The following GSE1 variants were observed in gnomAD, a reference collection of about 807,000 sequenced individuals.
GSE1 encodes genetic suppressor element 1.
In GSE1, 32 loss-of-function variants were observed where a neutral mutation model predicts 112.6. The observed-to-expected ratio is 0.28, with a 90% CI of 0.21 to 0.38. The LOEUF is 0.38. GSE1 is among the 10% of genes least tolerant of loss of function. GSE1 has a pLI of 1.00. For missense variants in GSE1, 2,348 were observed against 1,699.2 expected, an observed-to-expected ratio of 1.38 and a Z score of -6.71; for synonymous variants, 1,115 against 735.6, an observed-to-expected ratio of 1.52 and a Z score of -8.35.
rs1050785736 is a variant in GSE1 at position 85,373,638 on chromosome 16, C to G, written c.2464+15995C>G. ...AGTGTCTGGGAGGGCCACAGGTATGCTGGCCACGGCCTGGAAGAGTCCGCT... is the reference window on the plus strand; with the variant it reads ...AGTGTCTGGGAGGGCCACAGGTATGGTGGCCACGGCCTGGAAGAGTCCGCT... On this transcript the variant is annotated intron_variant, in intron 2 of 2. Coordinates refer to the GSE1 transcript ENST00000637419. The surrounding 1 kb of genome is among the most constrained non-coding windows in gnomAD (Gnocchi z 5.1). Among the ~76,000 whole-genome samples the G allele has an allele frequency of 6.6e-6, 1 of 152,150 alleles. No homozygotes were observed. Among genetic ancestry groups the G allele is most frequent in the Non-Finnish European group, 1.5e-5 (1 of 68,020 alleles).
chr16:85,286,226 T>C (rs1399233421), intron 1 of GSE1, among the ~76,000 whole-genome samples: 1 of 152,246 alleles, frequency 6.6e-6, no homozygotes, highest in African/African-American at 2.4e-5. Context: ...CAGTGGCCAC[T>C]TGATATTTTC....
intron 1 of GSE1, among the ~76,000 whole-genome samples, chr16:85,221,472 C>T (rs180802900): frequency 3.2e-3 from 494 of 152,284 alleles, no homozygotes; most frequent in African/African-American, 0.011. Flanking sequence ...CAGACGCACA[C>T]AGACACACAC....
chr16:85,526,598 T>G (rs998522193), intron 2 of GSE1, among the ~76,000 whole-genome samples: 1 of 151,930 alleles, frequency 6.6e-6, no homozygotes, highest in African/African-American at 2.4e-5. Flanking sequence ...TTACAGGCAG[T>G]GTGGGATGTG....
intron 1 of GSE1, among the ~76,000 whole-genome samples, chr16:85,581,036 C>G (rs946590267): frequency 1.3e-5 from 2 of 152,206 alleles, no homozygotes; most frequent in East Asian, 3.8e-4. Context: ...AGCTCTTGCC[C>G]TGCTGGACAT....
chr16:85,269,441 TGTGTGA>T (rs964419673), intron 1 of GSE1, among the ~76,000 whole-genome samples: 2 of 117,380 alleles, frequency 1.7e-5, no homozygotes, highest in African/African-American at 5.6e-5. Flanking sequence ...AGTGTGTGGG[TGTGTGA>T]GTGTGTGTGT....
intron 2 of GSE1, among the ~76,000 whole-genome samples, chr16:85,366,653 C>T (rs1555570969): frequency 6.6e-6 from 1 of 152,218 alleles, no homozygotes; most frequent in Non-Finnish European, 1.5e-5. Context: ...CCTACTTAGA[C>T]TGGGATCTGG....
intron 2 of GSE1, among the ~76,000 whole-genome samples, chr16:85,541,243 G>A (rs531787029): frequency 3.3e-5 from 5 of 152,350 alleles, no homozygotes; most frequent in South Asian, 2.1e-4. Flanking sequence ...GGGGTTCCCC[G>A]GGAGGGCTGC....
At chr16:85,628,004 C>T (rs975231709) in intron 1 of GSE1, among the ~76,000 whole-genome samples, 4 of 152,298 alleles carry the variant, frequency 2.6e-5, no homozygotes, top group African/African-American at 9.6e-5. Context: ...GGGGCAGCAG[C>T]CTTGAAGTGA....
At chr16:85,625,223 G>C (rs1436035570) in intron 1 of GSE1, among the ~76,000 whole-genome samples, 2 of 152,162 alleles carry the variant, frequency 1.3e-5, no homozygotes, top group African/African-American at 4.8e-5. Context: ...CATCTGCCCG[G>C]CCTGCTTCTC....
chr16:85,409,374 C>G (rs865976714), intron 2 of GSE1, among the ~76,000 whole-genome samples: 3 of 24,574 alleles, frequency 1.2e-4, no homozygotes, highest in African/African-American at 7.9e-4. Context: ...TACACTCAGG[C>G]CCCCTGGATA....
intron 1 of GSE1, among the ~76,000 whole-genome samples, chr16:85,353,753 G>C (rs541906991): frequency 6.6e-5 from 10 of 152,202 alleles, no homozygotes; most frequent in Admixed American, 6.5e-4. Flanking sequence ...TTCCATCAAG[G>C]TGATACCTGC....
intron 1 of GSE1, among the ~76,000 whole-genome samples, chr16:85,572,514 C>T (rs1199041665): frequency 6.6e-6 from 1 of 151,686 alleles, no homozygotes; most frequent in African/African-American, 2.4e-5. Flanking sequence ...ACACACACCA[C>T]ACACACACCG....
chr16:85,566,561 T>G (rs2045756672), intron 1 of GSE1, among the ~76,000 whole-genome samples: 1 of 152,032 alleles, frequency 6.6e-6, no homozygotes, highest in South Asian at 2.1e-4. Context: ...TTCTTCCACC[T>G]CCCCAACCCC....
At chr16:85,431,339 A>G (rs1481942472) in intron 2 of GSE1, among the ~76,000 whole-genome samples, 1 of 152,236 alleles carries the variant, frequency 6.6e-6, no homozygotes, top group African/African-American at 2.4e-5. Flanking sequence ...ATGATGGCGT[A>G]TGGCAAAATC....
At position 85,655,022 on chromosome 16, in the gene GSE1, A is replaced by G. The variant is rs777760466; in HGVS notation, c.797+31A>G. 1.2e-5 allele frequency: 17 copies of G among 1,381,018 alleles called. No individual in the cohort carries two copies. The African/African-American group carries it at 2.1e-4, about 17-fold the overall frequency. The allele number at this position is 1,381,018 out of a possible 1,614,324, so 85.5% of individuals were successfully genotyped here. A position where few individuals can be genotyped will look rare whatever the true frequency, so the allele number is the denominator to read the frequency against. ...GCATCCCCCACGCGCCCTCTCGTCT[A>G]GGTGCTGGCCTGTTCCTGGCAAGAT... On this transcript the variant is annotated intron_variant, in intron 5 of 15. Transcript: ENST00000253458.
intron 3 of GSE1, among the ~76,000 whole-genome samples, chr16:85,652,961 A>C (rs2151906115): frequency 6.6e-6 from 1 of 151,752 alleles, no homozygotes; most frequent in East Asian, 2.0e-4. Flanking sequence ...AACGTGAGGA[A>C]GGGCCGGGTT....
At position 85,340,438 on chromosome 16, in the gene GSE1, G is replaced by A. The variant is rs188207647; in HGVS notation, c.2284-17025G>A. Among the ~76,000 whole-genome samples the A allele has an allele frequency of 3.1e-3, 464 of 152,060 alleles. 3 individuals are homozygous for A. Among genetic ancestry groups the A allele is most frequent in the Non-Finnish European group, 2.7e-3 (181 of 67,974 alleles). On this transcript the variant is annotated intron_variant, in intron 1 of 2. Coordinates refer to the GSE1 transcript ENST00000637419. ...GAGGATCACTTGAGGTGAGGAGTTC[G>A]AAACCAGCCTGGCCAACATGGTGAA... is the stretch of plus-strand genomic sequence containing the variant.
chr16:85,349,392 G>C (rs997177179), intron 1 of GSE1, among the ~76,000 whole-genome samples: 1 of 152,148 alleles, frequency 6.6e-6, no homozygotes, highest in South Asian at 2.1e-4. Context: ...GAATGTCTTC[G>C]TAGGTGGGCT....
At chr16:85,275,496 C>G (rs1394343214) in intron 1 of GSE1, among the ~76,000 whole-genome samples, 5 of 152,218 alleles carry the variant, frequency 3.3e-5, no homozygotes, top group Non-Finnish European at 7.3e-5. Context: ...AGTCTCAGAC[C>G]TGTCTCACTC....
Sources: allele counts gnomAD v4.1 joint callset (sites outside exome capture counted in the v4.1 genomes callset), GRCh38; gene constraint gnomAD v4.1.1; non-coding constraint Gnocchi (gnomAD v3.1); transcripts MANE v1.5; gene names NCBI Gene and HGNC (gene_info 2026-07-23, HGNC 2026-07-21).